The following WASHC3 variants were observed in gnomAD, a reference collection of about 807,000 sequenced individuals.
The protein encoded by WASHC3 is WASH complex subunit 3.
In WASHC3, 24 loss-of-function variants were observed where a neutral mutation model predicts 26.1. The observed-to-expected ratio is 0.92, with a 90% CI of 0.66 to 1.29. WASHC3 has a LOEUF of 1.29. Among genes scored for constraint, WASHC3 ranks in the 50% most tolerant of loss-of-function variants. WASHC3 has a pLI of 0.00. For missense variants in WASHC3, 214 were observed against 229.6 expected, an observed-to-expected ratio of 0.93 and a Z score of 0.44; for synonymous variants, 77 against 75.7, an observed-to-expected ratio of 1.02 and a Z score of -0.09.
chr12:102,057,448 T>C (rs949608126), intron 2 of WASHC3, among the ~76,000 whole-genome samples: 2 of 152,026 alleles, frequency 1.3e-5, no homozygotes, highest in Non-Finnish European at 2.9e-5. Flanking sequence ...ATAAAAGGCA[T>C]TGAAATTGGA....
chr12:102,052,332 A>G (rs957376517), intron 2 of WASHC3, among the ~76,000 whole-genome samples: 2 of 152,134 alleles, frequency 1.3e-5, no homozygotes, highest in African/African-American at 4.8e-5. Flanking sequence ...GGCCCACCCC[A>G]GCAGAACTCA....
chr12:102,017,598 A>G (rs1366892591), intron 6 of WASHC3: 4 of 267,102 alleles, frequency 1.5e-5, no homozygotes, highest in Non-Finnish European at 2.9e-5. Context: ...TGTAAAGTAC[A>G]CTGGGGTGCA....
chr12:102,042,861 G>A (rs1251602018), intron 4 of WASHC3, among the ~76,000 whole-genome samples: 2 of 152,062 alleles, frequency 1.3e-5, no homozygotes, highest in Non-Finnish European at 2.9e-5. Context: ...TGATTACTTT[G>A]TTTTAGATTT....
chr12:102,028,482 A>G (rs1444552036), intron 5 of WASHC3, among the ~76,000 whole-genome samples: 2 of 152,144 alleles, frequency 1.3e-5, no homozygotes, highest in East Asian at 3.8e-4. Context: ...GTCTTTCTAT[A>G]AACTCAAGCA....
intron 6 of WASHC3, among the ~76,000 whole-genome samples, chr12:102,013,432 G>A (rs934689365): frequency 1.3e-5 from 2 of 152,134 alleles, no homozygotes; most frequent in East Asian, 1.9e-4. Context: ...TACATAGTGC[G>A]CTACTTCAGC....
At chr12:102,023,995 G>T (rs1260281950) in intron 6 of WASHC3, among the ~76,000 whole-genome samples, 1 of 152,112 alleles carries the variant, frequency 6.6e-6, no homozygotes, top group Non-Finnish European at 1.5e-5. Context: ...GGTGATACCT[G>T]ATGGAGTCTT....
chr12:102,041,587 G>A (rs901826825), intron 4 of WASHC3, among the ~76,000 whole-genome samples: 33 of 151,970 alleles, frequency 2.2e-4, no homozygotes, highest in African/African-American at 6.8e-4. Flanking sequence ...TTTAAAAAGT[G>A]CATTATTCTC....
Position 102,037,424 on chromosome 12 carries a change from A to AT in WASHC3, c.435+2443dup, listed in dbSNP as rs144404952. On this transcript the variant is annotated intron_variant, in intron 5 of 6. Coordinates refer to ENST00000240079, the MANE Select transcript of WASHC3 (RefSeq NM_016053.4). Reference sequence around the variant, plus strand: ...GGGAATTGGGTAGGAGGACACTGCAATTTAAAATAGGGTGGCCAAGGAAGG... The same window carrying AT: ...GGGAATTGGGTAGGAGGACACTGCAATTTTAAAATAGGGTGGCCAAGGAAGG... 3.2e-3 allele frequency among the ~76,000 whole-genome samples: 483 copies of AT among 152,312 alleles called. 1 individual carries two copies. The highest frequency in any genetic ancestry group is 0.011 in the African/African-American group (450 of 41,568).
chr12:102,046,306 T>C (rs1240342692), intron 2 of WASHC3, among the ~76,000 whole-genome samples, 187 bp from the exon 3 acceptor site: 1 of 151,450 alleles, frequency 6.6e-6, no homozygotes, highest in East Asian at 1.9e-4. Flanking sequence ...CTCAGTTTCT[T>C]TTTTTTTTGG....
At chr12:102,058,059 TAA>T (rs1203705751) in intron 2 of WASHC3, among the ~76,000 whole-genome samples, 3 of 151,958 alleles carry the variant, frequency 2.0e-5, no homozygotes, top group Non-Finnish European at 2.9e-5. Context: ...GGAAACAGAA[TAA>T]AGAGCCCAGA....
At chr12:102,054,482 AGCCTG>A (rs1878513996) in intron 2 of WASHC3, among the ~76,000 whole-genome samples, 1 of 152,232 alleles carries the variant, frequency 6.6e-6, no homozygotes, top group African/African-American at 2.4e-5. Flanking sequence ...GTTTGAGACT[AGCCTG>A]GGCAACATGG....
intron 5 of WASHC3, among the ~76,000 whole-genome samples, chr12:102,031,465 T>C (rs17032239): frequency 0.039 from 5,976 of 152,336 alleles, 166 homozygotes; most frequent in African/African-American, 0.072. Flanking sequence ...TTTCTTTTAG[T>C]TGTAGTCAGA....
At chr12:102,049,178 T>C (rs1878289675) in intron 2 of WASHC3, among the ~76,000 whole-genome samples, 1 of 152,238 alleles carries the variant, frequency 6.6e-6, no homozygotes, top group Non-Finnish European at 1.5e-5. Flanking sequence ...CACTACAAGA[T>C]GGGTAGCAGA....
chr12:102,013,121 G>A lies in WASHC3; in HGVS notation c.572C>T (p.Ser191Phe), dbSNP rs1801519. 6.7e-7 allele frequency: 1 copy of A among 1,490,060 alleles called. No homozygotes were observed. Among genetic ancestry groups the A allele is most frequent in the Non-Finnish European group, 9.2e-7 (1 of 1,088,658 alleles). 92.3% of individuals were successfully genotyped at this position (1,490,060 alleles called of 1,614,324 possible). A position where few individuals can be genotyped will look rare whatever the true frequency, so the allele number is the denominator to read the frequency against. The stretch of plus-strand genomic sequence containing the variant: ...TCAAAATTAAGCTTAATCACTAAAA[G>A]AAGATTCGCTATCTGAACTTTCTTC... ...TVEESSDSES[S>F]FSD The change falls in exon 7 of 7, where the codon TCT becomes TTT. Residue 191 changes from serine to phenylalanine, a missense_variant. Ser to Phe is a radical substitution (Grantham distance 155). Coordinates refer to ENST00000240079, the MANE Select transcript of WASHC3 (RefSeq NM_016053.4).
chr12:102,046,528 C>T (rs1253760991), intron 2 of WASHC3, among the ~76,000 whole-genome samples: 3 of 152,174 alleles, frequency 2.0e-5, no homozygotes, highest in East Asian at 1.9e-4. Flanking sequence ...CTCTTGACCT[C>T]GTGATCTGCC....
chr12:102,045,761 T>C (rs369450046), intron 3 of WASHC3, among the ~76,000 whole-genome samples: 27 of 152,394 alleles, frequency 1.8e-4, no homozygotes, highest in African/African-American at 5.0e-4. Context: ...TGGAATTTTC[T>C]ATCAAATGAA....
At chr12:102,057,754 T>C (rs547793995) in intron 2 of WASHC3, among the ~76,000 whole-genome samples, 9 of 151,744 alleles carry the variant, frequency 5.9e-5, no homozygotes, top group Non-Finnish European at 1.3e-4. Context: ...ATGAAAAAAA[T>C]TGAAGAAGAC....
intron 5 of WASHC3, among the ~76,000 whole-genome samples, chr12:102,037,703 T>G (rs192584032): frequency 3.3e-5 from 5 of 152,296 alleles, no homozygotes; most frequent in Admixed American, 3.3e-4. Flanking sequence ...CTGTGAAGGA[T>G]CTTGGCTCTT....
chr12:102,026,901 A>C (rs1877217003), intron 5 of WASHC3, among the ~76,000 whole-genome samples: 1 of 152,156 alleles, frequency 6.6e-6, no homozygotes, highest in Non-Finnish European at 1.5e-5. Context: ...GGGTCATGGC[A>C]TGGGACCCTC....
Sources: allele counts gnomAD v4.1 joint callset (sites outside exome capture counted in the v4.1 genomes callset), GRCh38; gene constraint gnomAD v4.1.1; transcripts MANE v1.5; gene names NCBI Gene and HGNC (gene_info 2026-07-23, HGNC 2026-07-21).